GPA33: variants seen among roughly 807,000 people sequenced by gnomAD.
The protein encoded by GPA33 is cell surface A33 antigen.
A neutral mutation model predicts 35.6 loss-of-function variants in GPA33; 27 were observed. The ratio of observed to expected loss-of-function variants is 0.76; its 90% confidence interval spans 0.56 to 1.04. GPA33 has a LOEUF of 1.04. GPA33 is among the 50% of genes least tolerant of loss of function. GPA33 has a pLI of 0.00. For missense variants in GPA33, 428 were observed against 411.9 expected, an observed-to-expected ratio of 1.04 and a Z score of -0.34; for synonymous variants, 176 against 164.0, an observed-to-expected ratio of 1.07 and a Z score of -0.56.
At chr1:167,060,654 A>T (rs1258465153) in intron 4 of GPA33, among the ~76,000 whole-genome samples, 1 of 152,214 alleles carries the variant, frequency 6.6e-6, no homozygotes, top group Admixed American at 6.5e-5. Context: ...TAATGAAAGA[A>T]CTAAGTTTTG....
intron 4 of GPA33, among the ~76,000 whole-genome samples, chr1:167,056,545 A>T (rs1231858676): frequency 1.1e-3 from 17 of 15,638 alleles, no homozygotes; most frequent in East Asian, 3.2e-3. Context: ...GCTCTGTGAG[A>T]GTAGTGTGTG....
rs143673475 is a variant in GPA33 at position 167,062,956 on chromosome 1, C to A, written c.571+626G>T. ...TCAAATGTATACTTCAGGACACAAT[C>A]AAATTAAAATCCTACCCATGCTTTT... On this transcript the variant is annotated intron_variant, in intron 4 of 6. Transcript: ENST00000367868. Among the ~76,000 whole-genome samples the A allele has an allele frequency of 1.1e-4, 17 of 152,264 alleles. No homozygotes were observed. The East Asian group carries it at 3.3e-3, about 29-fold the overall frequency.
chr1:167,087,065 G>T (rs1353737880), intron 1 of GPA33, among the ~76,000 whole-genome samples: 1 of 152,104 alleles, frequency 6.6e-6, no homozygotes, highest in African/African-American at 2.4e-5. Flanking sequence ...AAAAATCCTG[G>T]AATGGAAGTG....
At chr1:167,073,874 G>C (rs1453387344) in intron 1 of GPA33, among the ~76,000 whole-genome samples, 1 of 151,910 alleles carries the variant, frequency 6.6e-6, no homozygotes, top group Non-Finnish European at 1.5e-5. Context: ...TTATTTCCTT[G>C]ATTTATTGGG....
At chr1:167,061,918 T>G (rs910779055) in intron 4 of GPA33, among the ~76,000 whole-genome samples, 5 of 152,092 alleles carry the variant, frequency 3.3e-5, no homozygotes, top group Non-Finnish European at 5.9e-5. Flanking sequence ...GTGATAAAGC[T>G]CTTCCTGGAT....
chr1:167,073,060 C>T (rs1030401344), intron 2 of GPA33, among the ~76,000 whole-genome samples: 78 of 150,726 alleles, frequency 5.2e-4, no homozygotes, highest in Non-Finnish European at 7.2e-4. Context: ...AGAATCCAAA[C>T]AGGAAAAAAA....
At chr1:167,056,729 T>G (rs1666291216) in intron 4 of GPA33, among the ~76,000 whole-genome samples, 1 of 2,278 alleles carries the variant, frequency 4.4e-4, no homozygotes, top group Non-Finnish European at 1.0e-3. Context: ...TAGTGTGTGA[T>G]GTATGTGGTG....
chr1:167,054,512 G>A (rs533595357), intron 6 of GPA33, 46 bp from the exon 7 acceptor site: 1 of 1,613,008 alleles, frequency 6.2e-7, no homozygotes, highest in East Asian at 2.2e-5. Context: ...CTCTCAGGTG[G>A]ACCCTCAAGG....
At chr1:167,080,081 G>A (rs1252195825) in intron 1 of GPA33, among the ~76,000 whole-genome samples, 1 of 152,106 alleles carries the variant, frequency 6.6e-6, no homozygotes, top group East Asian at 1.9e-4. Context: ...CAGGTCTCCA[G>A]TTGCCCAGAG....
rs1004918761 is a variant in GPA33 at position 167,053,280 on chromosome 1, A to T, written c.*1054T>A. ...GACACAAGAACTCAGACCATCTGCA[A>T]GCAAGCTCCCTTGTGTGTGTTCACT... On this transcript the variant is annotated 3_prime_UTR_variant, in exon 7 of 7. Coordinates refer to ENST00000367868, the MANE Select transcript of GPA33 (RefSeq NM_005814.3). 1.3e-5 allele frequency: 2 copies of T among 152,302 alleles called. No individual in the cohort carries two copies. Among genetic ancestry groups the T allele is most frequent in the Non-Finnish European group, 2.9e-5 (2 of 68,060 alleles). 9.4% of individuals were successfully genotyped at this position (152,302 alleles called of 1,614,324 possible). A position where few individuals can be genotyped will look rare whatever the true frequency, so the allele number is the denominator to read the frequency against.
At chr1:167,065,065 G>T (rs1322168808) in intron 3 of GPA33, among the ~76,000 whole-genome samples, 4 of 152,206 alleles carry the variant, frequency 2.6e-5, no homozygotes. Context: ...AGATACCATT[G>T]TGGAGCTGGG....
chr1:167,073,470 C>G lies in GPA33; in HGVS notation c.113G>C (p.Ser38Thr). Residue 38 changes from serine (S) to threonine (T), a missense_variant, in exon 2 of 7, where the codon AGT becomes ACT. Coordinates refer to ENST00000367868, the MANE Select transcript of GPA33 (RefSeq NM_005814.3). ...GTGGTAGGTGCAGGGCAGGGTGACA[C>G]TCTTTCCCTGCGAAGCCCGAAGAAC... ...QDVLRASQGK[S>T]VTLPCTYHTS... 6.2e-7 allele frequency: 1 copy of G among 1,612,088 alleles called. No individual in the cohort carries two copies. Among genetic ancestry groups the G allele is most frequent in the Non-Finnish European group, 8.5e-7 (1 of 1,178,102 alleles).
At chr1:167,055,161 G>A (rs766800479) in intron 5 of GPA33, 50 bp from the exon 6 acceptor site, 14 of 1,596,638 alleles carry the variant, frequency 8.8e-6, no homozygotes, top group Non-Finnish European at 1.2e-5. Flanking sequence ...AGCTAGCTCC[G>A]GGTCTCCTCC....
At position 167,061,748 on chromosome 1, in the gene GPA33, G is replaced by A. The variant is rs573834651; in HGVS notation, c.571+1834C>T. ...CTCCGGAGTAGCTGGGACTACAGGC[G>A]TCCGCCACCACGTCCGGCTAATTTT... On this transcript the variant is annotated intron_variant, in intron 4 of 6. Coordinates refer to ENST00000367868, the MANE Select transcript of GPA33 (RefSeq NM_005814.3). Among the ~76,000 whole-genome samples, 3 of 151,960 alleles carry A rather than the reference G, an allele frequency of 2.0e-5. No individual in the cohort carries two copies. The South Asian group carries it at 6.2e-4, about 32-fold the overall frequency.
intron 3 of GPA33, among the ~76,000 whole-genome samples, chr1:167,065,162 A>C (rs1399585979): frequency 6.6e-6 from 1 of 152,172 alleles, no homozygotes; most frequent in South Asian, 2.1e-4. Flanking sequence ...CAAGGAATCT[A>C]GTGGGGGCAA....
In GPA33 at chr1:167,090,238, TA is replaced by T; in HGVS notation, c.43+6del. On this transcript the variant is annotated splice_donor_region_variant and intron_variant, in intron 1 of 6. Coordinates refer to ENST00000367868, the MANE Select transcript of GPA33 (RefSeq NM_005814.3). ...CTGGGCACTGGAGAGAAAAGGGGCC[TA>T]CTCACCTGCACAGAGTGTCCACAAC... 6.2e-7 allele frequency: 1 copy of T among 1,609,112 alleles called. No homozygotes were observed. The highest frequency in any genetic ancestry group is 8.5e-7 in the Non-Finnish European group (1 of 1,175,462).
intron 1 of GPA33, 32 bp downstream of exon 1, chr1:167,090,213 C>T: frequency 6.4e-7 from 1 of 1,561,962 alleles, no homozygotes. Context: ...TCACCCACCC[C>T]TGGGCACTGG....
intron 4 of GPA33, among the ~76,000 whole-genome samples, chr1:167,059,535 T>C (rs1005651233): frequency 1.7e-4 from 26 of 151,386 alleles, no homozygotes; most frequent in African/African-American, 5.1e-4. Context: ...CACCTCTCTC[T>C]CACAAAGGGC....
chr1:167,073,647 T>C (rs1571314748), intron 1 of GPA33, 108 bp from the exon 2 acceptor site: 4 of 963,296 alleles, frequency 4.2e-6, no homozygotes, highest in South Asian at 1.6e-5. Flanking sequence ...TTCTTGCACC[T>C]CCAGCCACAG....
Sources: gnomAD v4.1 joint callset for allele counts (sites outside exome capture counted in the v4.1 genomes callset) on GRCh38, gnomAD v4.1.1 for gene constraint, MANE v1.5 for transcripts, NCBI Gene and HGNC (gene_info 2026-07-23, HGNC 2026-07-21) for gene names.